Variants in MACROD2 observed in about 807,000 individuals in gnomAD.
MACROD2 encodes the protein ADP-ribose glycohydrolase MACROD2.
MACROD2 carries 36 observed loss-of-function variants against 70.4 expected under a neutral mutation model. That is an observed-to-expected ratio of 0.51 (90% CI 0.39 to 0.68). MACROD2 has a LOEUF of 0.68. Ranked by LOEUF, MACROD2 falls within the 30% of genes least tolerant of loss-of-function variation. MACROD2 has a pLI of 0.00. For synonymous variants in MACROD2, 172 were observed against 178.8 expected (o/e 0.96, Z 0.30); for missense variants, 496 against 538.4 (o/e 0.92, Z 0.78).
intron 8 of MACROD2, among the ~76,000 whole-genome samples, chr20:15,678,014 A>G (rs927008778): frequency 2.6e-5 from 4 of 152,050 alleles, no homozygotes; most frequent in East Asian, 1.9e-4. Flanking sequence ...GCAGTGAGCC[A>G]AGATCACGCC....
chr20:15,558,669 T>C (rs556060422), intron 8 of MACROD2, among the ~76,000 whole-genome samples: 1 of 152,334 alleles, frequency 6.6e-6, no homozygotes, highest in East Asian at 1.9e-4. Flanking sequence ...TGAAAAGTTA[T>C]ATTCCTTTGA....
chr20:14,380,679 G>A (rs1467378661), intron 3 of MACROD2, among the ~76,000 whole-genome samples: 1 of 152,016 alleles, frequency 6.6e-6, no homozygotes, highest in Non-Finnish European at 1.5e-5. Flanking sequence ...TCTATTGACT[G>A]GTCTCTTCAT....
chr20:15,587,559 C>T (rs2048619586), intron 8 of MACROD2, among the ~76,000 whole-genome samples: 1 of 152,182 alleles, frequency 6.6e-6, no homozygotes, highest in African/African-American at 2.4e-5. Flanking sequence ...GCCTATGAGC[C>T]TGTAAAATCA....
intron 5 of MACROD2, among the ~76,000 whole-genome samples, chr20:15,124,573 A>G (rs547603791): frequency 2.0e-5 from 3 of 152,196 alleles, no homozygotes; most frequent in Non-Finnish European, 4.4e-5. Flanking sequence ...TAAGCTGCAT[A>G]TAGCTCCCTA....
intron 5 of MACROD2, among the ~76,000 whole-genome samples, chr20:14,752,261 A>G (rs1334775431): frequency 1.3e-5 from 2 of 151,686 alleles, no homozygotes; most frequent in Non-Finnish European, 1.5e-5. Context: ...GACACCTCAG[A>G]CTCAACTTAA....
chr20:15,871,193 A>AG, intron 9 of MACROD2, among the ~76,000 whole-genome samples: 1 of 151,152 alleles, frequency 6.6e-6, no homozygotes, highest in African/African-American at 2.4e-5. Context: ...AAAAAAAAAA[A>AG]TTATAAAATT....
intron 8 of MACROD2, among the ~76,000 whole-genome samples, chr20:15,796,213 T>C (rs932750127): frequency 6.6e-6 from 1 of 152,216 alleles, no homozygotes; most frequent in African/African-American, 2.4e-5. Context: ...TTTTCCATAG[T>C]GGTGTTAACT....
intron 8 of MACROD2, among the ~76,000 whole-genome samples, chr20:15,672,414 C>T (rs2049993382): frequency 6.6e-6 from 1 of 151,414 alleles, no homozygotes; most frequent in African/African-American, 2.4e-5. Flanking sequence ...CTCATTCATT[C>T]ATTTGATAGG....
intron 3 of MACROD2, among the ~76,000 whole-genome samples, chr20:14,487,038 G>T (rs964466248): frequency 1.3e-5 from 2 of 152,146 alleles, no homozygotes; most frequent in African/African-American, 4.8e-5. Flanking sequence ...TCCCATGAGG[G>T]CATAGCAGTG....
chr20:14,409,147 CTTT>C (rs11425504), intron 3 of MACROD2, among the ~76,000 whole-genome samples: 4 of 127,586 alleles, frequency 3.1e-5, no homozygotes, highest in Non-Finnish European at 3.3e-5. Context: ...TCTGTTTTGG[CTTT>C]TTTTTTTTTT....
chr20:14,238,963 G>C (rs2122228590), intron 3 of MACROD2, among the ~76,000 whole-genome samples: 1 of 146,070 alleles, frequency 6.8e-6, no homozygotes, highest in East Asian at 2.0e-4. Flanking sequence ...GGAGGCAGAG[G>C]TTGCAGTGAG....
chr20:14,811,353 A>G (rs1362019058), intron 5 of MACROD2, among the ~76,000 whole-genome samples: 1 of 152,150 alleles, frequency 6.6e-6, no homozygotes, highest in African/African-American at 2.4e-5. Context: ...TTCCCTATTT[A>G]ATAAATGGTG....
chr20:15,988,407 A>G (rs2066515535), intron 15 of MACROD2, among the ~76,000 whole-genome samples: 1 of 152,170 alleles, frequency 6.6e-6, no homozygotes, highest in African/African-American at 2.4e-5. Flanking sequence ...ATTTCTCTGT[A>G]GCAGAAATTG....
chr20:15,777,494 T>TTTCC (rs1200401202), intron 8 of MACROD2, among the ~76,000 whole-genome samples: 1 of 140,746 alleles, frequency 7.1e-6, no homozygotes, highest in African/African-American at 2.8e-5. Flanking sequence ...GATTCTTTTT[T>TTTCC]TTCCTTCCTT....
rs772977263 is a variant in MACROD2 at position 13,995,844 on chromosome 20, G to A, written c.46+35G>A. 6.5e-7 allele frequency: 1 copy of A among 1,536,190 alleles called. No individual in the cohort carries two copies. On this transcript the variant is annotated intron_variant, in intron 1 of 17. Coordinates refer to ENST00000684519, the MANE Select transcript of MACROD2 (RefSeq NM_001351661.2). This position sits in a 1 kb window ranked among gnomAD's most constrained non-coding sequence, Gnocchi z 4.3. The stretch of plus-strand genomic sequence containing the variant: ...CCGTCGAGTCCTGGGGGTGCGGGCG[G>A]TGGGGGTTAGGGTGGGGGCGGGGGT...
rs1011113013 is a variant in MACROD2, at chr20:15,338,873, A to G, written c.541-92532A>G. Among the ~76,000 whole-genome samples, 14 of 151,546 alleles carry G rather than the reference A, an allele frequency of 9.2e-5. 1 individual carries two copies. The highest frequency in any genetic ancestry group is 2.2e-4 in the African/African-American group (9 of 40,846). ...GCATTATGGTTCATTTTAAAATACAATGTTAACTTTTCAGTTTATAAGCAT... is the reference window on the plus strand; with the variant it reads ...GCATTATGGTTCATTTTAAAATACAGTGTTAACTTTTCAGTTTATAAGCAT... On this transcript the variant is annotated intron_variant, in intron 6 of 17. Coordinates refer to ENST00000684519, the MANE Select transcript of MACROD2 (RefSeq NM_001351661.2).
Position 15,334,722 on chromosome 20 carries a change from A to G in MACROD2, c.541-96683A>G, listed in dbSNP as rs904491753. 1.8e-4 allele frequency among the ~76,000 whole-genome samples: 27 copies of G among 151,682 alleles called. 1 individual carries two copies. The highest frequency in any genetic ancestry group is 2.6e-4 in the Non-Finnish European group (18 of 68,018). ...TATACATATCTATATTTATTTACAA[A>G]TAGATATAAGATTATTGCAATGTAT... On this transcript the variant is annotated intron_variant, in intron 6 of 17. Transcript: ENST00000684519.
chr20:14,442,344 C>A lies in MACROD2; in HGVS notation c.272-51135C>A, dbSNP rs375701790. ...GGAAATATATATACATTATATTTACCAAATGGGGAAAATTAAATAAGCAGG... is the reference window on the plus strand; with the variant it reads ...GGAAATATATATACATTATATTTACAAAATGGGGAAAATTAAATAAGCAGG... On this transcript the variant is annotated intron_variant, in intron 3 of 17. Coordinates refer to ENST00000684519, the MANE Select transcript of MACROD2 (RefSeq NM_001351661.2). 5.0e-4 allele frequency among the ~76,000 whole-genome samples: 76 copies of A among 151,924 alleles called. 2 individuals carry two copies. The highest frequency in any genetic ancestry group is 1.7e-3 in the African/African-American group (70 of 41,318).
At chr20:16,024,726 C>T (rs1478041269) in intron 15 of MACROD2, among the ~76,000 whole-genome samples, 1 of 152,206 alleles carries the variant, frequency 6.6e-6, no homozygotes, top group African/African-American at 2.4e-5. Flanking sequence ...GGTAGCTATT[C>T]GTATAACTCT....
Sources: gnomAD v4.1 joint callset for allele counts (sites outside exome capture counted in the v4.1 genomes callset) on GRCh38, gnomAD v4.1.1 for gene constraint, Gnocchi (gnomAD v3.1) non-coding constraint, MANE v1.5 for transcripts, NCBI Gene and HGNC (gene_info 2026-07-23, HGNC 2026-07-21) for gene names.